JMJD6: variants seen among roughly 807,000 people sequenced by gnomAD.
JMJD6 encodes the protein jumonji domain containing 6, arginine demethylase and lysine hydroxylase.
In JMJD6, 17 loss-of-function variants were observed where a neutral mutation model predicts 45.8. The ratio of observed to expected loss-of-function variants is 0.37; its 90% confidence interval spans 0.25 to 0.56. The LOEUF (loss-of-function observed/expected upper bound fraction) is 0.56. Among genes scored for constraint, JMJD6 ranks in the 20% least tolerant of loss-of-function variants. The pLI, the probability that JMJD6 is intolerant of heterozygous loss-of-function variation, is 0.79. For missense variants in JMJD6, 470 were observed against 517.5 expected (o/e 0.91, Z 0.89); for synonymous variants, 221 against 196.3 (o/e 1.13, Z -1.05).
At chr17:76,723,487 C>T (rs1431078539) in intron 3 of JMJD6, among the ~76,000 whole-genome samples, 1 of 148,686 alleles carries the variant, frequency 6.7e-6, no homozygotes, top group Non-Finnish European at 1.5e-5. Context: ...GTCACCCTGG[C>T]TGGAGTGCAG....
chr17:76,718,640 C>G lies in JMJD6; in HGVS notation c.*89G>C. On this transcript the variant is annotated 3_prime_UTR_variant, in exon 6 of 6. Transcript: ENST00000397625. ...CATTCTTGGGCTCTGTCAGGCCTCC[C>G]CTTGTCTGCAGGACTGGACAGGCCA... The G allele has an allele frequency of 6.5e-7, 1 of 1,527,660 alleles. No individual in the cohort carries two copies. The allele number at this position is 1,527,660 out of a possible 1,614,324, so 94.6% of individuals were successfully genotyped here.
chr17:76,720,995 T>G (rs929110891), intron 4 of JMJD6, among the ~76,000 whole-genome samples: 2 of 152,032 alleles, frequency 1.3e-5, no homozygotes, highest in African/African-American at 4.8e-5. Flanking sequence ...ACAGAGATGG[T>G]CCCCCCTCAC....
intron 3 of JMJD6, among the ~76,000 whole-genome samples, chr17:76,722,407 T>C (rs2076836886): frequency 6.6e-6 from 1 of 152,150 alleles, no homozygotes; most frequent in Admixed American, 6.5e-5. Context: ...ACACGGACAG[T>C]GCTATACTGC....
At chr17:76,717,815 C>A (rs537620273), downstream of JMJD6, among the ~76,000 whole-genome samples, 1 of 144,132 alleles carries the variant, frequency 6.9e-6, no homozygotes, top group South Asian at 2.2e-4. Flanking sequence ...ATGGTGAAAC[C>A]CTGTCTCTAC....
intron 2 of JMJD6, among the ~76,000 whole-genome samples, chr17:76,724,789 C>T (rs932118337): frequency 4.6e-5 from 7 of 151,164 alleles, no homozygotes; most frequent in Non-Finnish European, 8.8e-5. Context: ...TGCACTCCAG[C>T]TTGGACGACA....
At chr17:76,717,414 T>C (rs942643111), downstream of JMJD6, among the ~76,000 whole-genome samples, 53 of 152,312 alleles carry the variant, frequency 3.5e-4, no homozygotes, top group African/African-American at 1.1e-3. Flanking sequence ...ATCAAAGACC[T>C]GTGGCATTTA....
At chr17:76,718,286 A>G (rs369035582), downstream of JMJD6, among the ~76,000 whole-genome samples, 53 of 152,080 alleles carry the variant, frequency 3.5e-4, no homozygotes, top group East Asian at 8.4e-3. Flanking sequence ...CAGGTTCTGC[A>G]GAAGATGCCG....
chr17:76,715,063 A>C (rs1323405747), downstream of JMJD6: 1 of 152,188 alleles, frequency 6.6e-6, no homozygotes, highest in African/African-American at 2.4e-5. Context: ...TTTTATTTTA[A>C]ACTGAAGTTT....
intron 3 of JMJD6, among the ~76,000 whole-genome samples, chr17:76,723,146 A>G (rs1181911948): frequency 1.3e-5 from 2 of 151,716 alleles, no homozygotes; most frequent in Non-Finnish European, 2.9e-5. Flanking sequence ...GGGTTTCACC[A>G]TGTTGGCCAG....
intron 4 of JMJD6, 94 bp downstream of exon 4, chr17:76,721,704 C>T (rs970183355): frequency 2.3e-5 from 32 of 1,376,258 alleles, no homozygotes; most frequent in Non-Finnish European, 2.9e-5. Flanking sequence ...GGCCTGTGTA[C>T]GATCAGCACA....
chr17:76,726,469 G>T lies in JMJD6; in HGVS notation c.7C>A (p.His3Asn), dbSNP rs774212084. MNHKSKKRIREAK... is the reference protein window; with the variant it reads MNNKSKKRIREAK... ...TCGCGGATGCGCTTCTTGCTCTTGT[G>T]GTTCATTCTGCGGGGTCGCCAGCTG... The change falls in exon 1 of 6, where the codon CAC (histidine) becomes AAC (asparagine). Residue 3 changes from histidine (H) to asparagine (N), a missense_variant. Coordinates refer to ENST00000397625, the MANE Select transcript of JMJD6 (RefSeq NM_015167.3). 6.2e-7 allele frequency: 1 copy of T among 1,600,128 alleles called. No individual in the cohort carries two copies. The highest frequency in any genetic ancestry group is 1.7e-5 in the Admixed American group (1 of 58,556).
Position 76,722,057 on chromosome 17 carries a change from G to A in JMJD6, c.806-124C>T, listed in dbSNP as rs750545195. ...AGAGCCTACAGAGACATGATACAGG[G>A]TAGTTCCTTCTGATCCAGGGATTGC... On this transcript the variant is annotated intron_variant, in intron 3 of 5. Coordinates refer to ENST00000397625, the MANE Select transcript of JMJD6 (RefSeq NM_015167.3). 1.1e-5 allele frequency: 11 copies of A among 1,038,742 alleles called. 1 individual carries two copies. Among genetic ancestry groups the A allele is most frequent in the Non-Finnish European group, 1.2e-5 (9 of 722,038 alleles). 64.3% of individuals were successfully genotyped at this position (1,038,742 alleles called of 1,614,324 possible). A position where few individuals can be genotyped will look rare whatever the true frequency, so the allele number is the denominator to read the frequency against.
At chr17:76,717,363 T>A (rs977567973), downstream of JMJD6, among the ~76,000 whole-genome samples, 2 of 152,184 alleles carry the variant, frequency 1.3e-5, no homozygotes, top group Admixed American at 1.3e-4. Flanking sequence ...TTCAGTATTT[T>A]ACTATCTTCC....
At chr17:76,716,749 A>T, downstream of JMJD6, 2 of 1,613,876 alleles carry the variant, frequency 1.2e-6, no homozygotes, top group East Asian at 2.2e-5. Flanking sequence ...AACTGCCTGT[A>T]ATCAGCACGT....
intron 1 of JMJD6, 32 bp downstream of exon 1, chr17:76,726,315 C>T: frequency 6.5e-7 from 1 of 1,537,064 alleles, no homozygotes; most frequent in Non-Finnish European, 8.7e-7. Flanking sequence ...GTGCCGATGC[C>T]CGGCCTGGCC....
downstream of JMJD6, chr17:76,715,809 T>G (rs1215448918): frequency 1.3e-5 from 2 of 152,214 alleles, no homozygotes; most frequent in Non-Finnish European, 2.9e-5. Context: ...ATCCAGTTAG[T>G]TATTTAGAAG....
At position 76,721,523 on chromosome 17, in the gene JMJD6, A is replaced by G. The variant is rs145891279; in HGVS notation, c.941+275T>C. 5.2e-4 allele frequency: 239 copies of G among 459,252 alleles called. 1 individual carries two copies. The East Asian group carries it at 8.0e-3, about 15-fold the overall frequency. The allele number at this position is 459,252 out of a possible 1,614,324, so 28.4% of individuals were successfully genotyped here. On this transcript the variant is annotated intron_variant, in intron 4 of 5. Coordinates refer to ENST00000397625, the MANE Select transcript of JMJD6 (RefSeq NM_015167.3). Reference sequence around the variant, plus strand: ...TAGCGCTAGCTTTGAAAAACAAAACACAAAACAAAACGAGAAACAATCCCA... The same window carrying G: ...TAGCGCTAGCTTTGAAAAACAAAACGCAAAACAAAACGAGAAACAATCCCA...
Position 76,720,512 on chromosome 17 carries a change from A to G in JMJD6, c.942-14T>C, listed in dbSNP as rs754614245. 1.2e-6 allele frequency: 2 copies of G among 1,613,584 alleles called. No individual in the cohort carries two copies. Among genetic ancestry groups the G allele is most frequent in the Non-Finnish European group, 8.5e-7 (1 of 1,179,664 alleles). On this transcript the variant is annotated splice_polypyrimidine_tract_variant and intron_variant, in intron 4 of 5. Transcript: ENST00000397625. ...TGCTTCAAAATCCTGAGAGGCAAGA[A>G]GTGTTGTTCTCAGTGCACTGACAGC... is the stretch of plus-strand genomic sequence containing the variant.
chr17:76,715,903 G>C (rs1437071078), downstream of JMJD6: 3 of 152,218 alleles, frequency 2.0e-5, no homozygotes, highest in Non-Finnish European at 4.4e-5. Flanking sequence ...AACGTCTGTA[G>C]GTCAAACAAA....
Sources: gnomAD v4.1 joint callset for allele counts (sites outside exome capture counted in the v4.1 genomes callset) on GRCh38, gnomAD v4.1.1 for gene constraint, MANE v1.5 for transcripts, NCBI Gene and HGNC (gene_info 2026-07-23, HGNC 2026-07-21) for gene names.